The following SYTL2 variants were observed in gnomAD, a reference collection of about 807,000 sequenced individuals.
The protein encoded by SYTL2 is synaptotagmin like 2.
In SYTL2, 165 loss-of-function variants were observed where a neutral mutation model predicts 198.7. The observed-to-expected ratio is 0.83, with a 90% confidence interval of 0.73 to 0.94. The LOEUF is 0.94. Among genes scored for constraint, SYTL2 ranks in the 40% least tolerant of loss-of-function variants. The pLI is 0.00. For synonymous variants in SYTL2, 966 were observed against 917.7 expected (o/e 1.05, Z -0.95); for missense variants, 2,835 against 2,582.8 (o/e 1.10, Z -2.12).
Position 85,725,966 on chromosome 11 carries a change from G to C in SYTL2, c.3392C>G (p.Thr1131Ser). 1 of 1,614,160 alleles carries C rather than the reference G, an allele frequency of 6.2e-7. No homozygotes were observed. Among genetic ancestry groups the C allele is most frequent in the Non-Finnish European group, 8.5e-7 (1 of 1,180,006 alleles). Reference protein sequence around the residue: ...TNVLSKDCKDTFNDSLQKLLS... With the variant: ...TNVLSKDCKDSFNDSLQKLLS... ...CAGTTTCTGCAAGCTGTCATTAAAA[G>C]TGTCTTTGCAGTCTTTAGACAAAAC... Residue 1131 changes from threonine (T) to serine (S), a missense_variant, in exon 8 of 20, where the codon ACT becomes AGT. This residue lies in a region of SYTL2 where 2,645 missense variants were observed against 2,381.7 expected (regional missense o/e 1.11). Coordinates refer to ENST00000359152, the MANE Select transcript of SYTL2 (RefSeq NM_206927.4).
At chr11:85,851,552 A>G in the SYTL2 span, among the ~76,000 whole-genome samples, 4 of 152,388 alleles carry the variant, frequency 2.6e-5, no homozygotes, top group East Asian at 7.7e-4. Context: ...ACATCATTCA[A>G]CATGGCAAGG....
rs546729353 is a variant in SYTL2, at chr11:85,765,245, C to CT, written c.-389-7132dup. On this transcript the variant is annotated intron_variant, in intron 1 of 19. Coordinates refer to ENST00000359152, the MANE Select transcript of SYTL2 (RefSeq NM_206927.4). ...GATAAGCTATCCAACAATAGGTTGCCTTTTTTTTTGAGACAGAGTCTCGCC... is the reference window on the plus strand; with the variant it reads ...GATAAGCTATCCAACAATAGGTTGCCTTTTTTTTTTGAGACAGAGTCTCGCC... Among the ~76,000 whole-genome samples the CT allele has an allele frequency of 9.8e-4, 149 of 151,324 alleles. 2 individuals are homozygous for CT. The South Asian group carries it at 0.028, about 29-fold the overall frequency.
the SYTL2 span, among the ~76,000 whole-genome samples, chr11:85,851,639 A>G: frequency 6.6e-6 from 1 of 152,250 alleles, no homozygotes; most frequent in Non-Finnish European, 1.5e-5. Flanking sequence ...ACCAACTGGT[A>G]AACACTATAA....
chr11:85,817,213 A>G, the SYTL2 span, among the ~76,000 whole-genome samples: 1 of 152,184 alleles, frequency 6.6e-6, no homozygotes, highest in African/African-American at 2.4e-5. Context: ...CAGGAACTAG[A>G]CTAAATTCGT....
At chr11:85,778,384 G>C (rs763950848) in intron 1 of SYTL2, among the ~76,000 whole-genome samples, 41 of 152,288 alleles carry the variant, frequency 2.7e-4, no homozygotes, top group Non-Finnish European at 5.4e-4. Context: ...GTTTGGACTC[G>C]AAGCTGAAAG....
intron 8 of SYTL2, among the ~76,000 whole-genome samples, chr11:85,721,474 T>C (rs1381255699): frequency 6.6e-6 from 1 of 152,092 alleles, no homozygotes; most frequent in East Asian, 1.9e-4. Flanking sequence ...CAATGAAATG[T>C]TGGGAAATAA....
At chr11:85,833,149 A>T in the SYTL2 span, among the ~76,000 whole-genome samples, 1 of 116,692 alleles carries the variant, frequency 8.6e-6, no homozygotes, top group East Asian at 2.1e-4. Context: ...GAAGGAAGGA[A>T]GGAAGGAAAG....
chr11:85,705,533 C>T (rs1487908661), intron 15 of SYTL2, among the ~76,000 whole-genome samples: 1 of 152,066 alleles, frequency 6.6e-6, no homozygotes, highest in African/African-American at 2.4e-5. Context: ...TATCAACATC[C>T]CACACAGATG....
Position 85,727,650 on chromosome 11 carries a change from C to T in SYTL2, c.1708G>A (p.Glu570Lys), listed in dbSNP as rs1247991975. Residue 570 changes from glutamate (E) to lysine (K), a missense_variant, in exon 8 of 20, where the codon GAA becomes AAA. Physicochemically the swap from Glu to Lys is moderately conservative, Grantham distance 56 (BLOSUM62 1). Transcript: ENST00000359152. Reference protein sequence around the residue: ...DLVTDDTTLRENGSKTLSPSK... With the variant: ...DLVTDDTTLRKNGSKTLSPSK... ...GGTGATAGGGTCTTTGAGCCATTTT[C>T]TCTTAAAGTAGTGTCATCTGTCACC... is the stretch of plus-strand genomic sequence containing the variant. 1 of 1,536,972 alleles carries T rather than the reference C, an allele frequency of 6.5e-7. No individual in the cohort carries two copies. The highest frequency in any genetic ancestry group is 2.0e-5 in the Admixed American group (1 of 50,956).
At chr11:85,775,264 A>G (rs1256472568) in intron 1 of SYTL2, among the ~76,000 whole-genome samples, 2 of 152,164 alleles carry the variant, frequency 1.3e-5, no homozygotes, top group African/African-American at 4.8e-5. Flanking sequence ...GAATGACAGT[A>G]TCCTCTGTTT....
the SYTL2 span, among the ~76,000 whole-genome samples, chr11:85,825,211 AC>A: frequency 6.6e-6 from 1 of 151,586 alleles, no homozygotes; most frequent in African/African-American, 2.4e-5. Flanking sequence ...AAACGGTGAA[AC>A]CCCGTCTCTA....
At chr11:85,736,822 C>A (rs1290567697) in intron 5 of SYTL2, among the ~76,000 whole-genome samples, 1 of 152,142 alleles carries the variant, frequency 6.6e-6, no homozygotes, top group Non-Finnish European at 1.5e-5. Flanking sequence ...ATATGCAAAG[C>A]CAGAGTCCTA....
intron 1 of SYTL2, among the ~76,000 whole-genome samples, chr11:85,785,246 T>A (rs1250685421): frequency 6.6e-6 from 1 of 152,086 alleles, no homozygotes; most frequent in African/African-American, 2.4e-5. Flanking sequence ...TTTTTGTAAT[T>A]CTCAACAAAA....
chr11:85,770,310 G>A (rs1387220776), intron 1 of SYTL2, among the ~76,000 whole-genome samples: 1 of 152,036 alleles, frequency 6.6e-6, no homozygotes, highest in Non-Finnish European at 1.5e-5. Flanking sequence ...TCTCCCTCCA[G>A]TACAACTCTT....
At chr11:85,706,494 C>T (rs2085166994) in intron 15 of SYTL2, among the ~76,000 whole-genome samples, 1 of 152,172 alleles carries the variant, frequency 6.6e-6, no homozygotes, top group African/African-American at 2.4e-5. Flanking sequence ...AGCACAGCCC[C>T]TCATAAGAGG....
intron 1 of SYTL2, among the ~76,000 whole-genome samples, chr11:85,761,529 T>C (rs2092096514): frequency 6.6e-6 from 1 of 152,196 alleles, no homozygotes; most frequent in African/African-American, 2.4e-5. Flanking sequence ...CAGTAAGACT[T>C]CTGGCTTTTA....
chr11:85,773,530 G>A (rs1217786123), intron 1 of SYTL2, among the ~76,000 whole-genome samples: 3 of 152,122 alleles, frequency 2.0e-5, no homozygotes, highest in Non-Finnish European at 2.9e-5. Flanking sequence ...TGGTCTCACA[G>A]GACTCGGCAT....
At chr11:85,801,990 A>G (rs541854444) in intron 1 of SYTL2, among the ~76,000 whole-genome samples, 42 of 150,504 alleles carry the variant, frequency 2.8e-4, no homozygotes, top group African/African-American at 9.3e-4. Flanking sequence ...AAGTTTTTGT[A>G]TTTTTAGTAG....
At chr11:85,825,447 G>C in the SYTL2 span, among the ~76,000 whole-genome samples, 4 of 151,250 alleles carry the variant, frequency 2.6e-5, no homozygotes, top group Admixed American at 2.0e-4. Context: ...ACATTTTCCT[G>C]GCTAGTTCCT....
Sources: allele counts gnomAD v4.1 joint callset (sites outside exome capture counted in the v4.1 genomes callset), GRCh38; gene constraint gnomAD v4.1.1; regional missense constraint gnomAD v4.1.1; transcripts MANE v1.5; gene names NCBI Gene and HGNC (gene_info 2026-07-23, HGNC 2026-07-21).